IGLON5: variants seen among roughly 807,000 people sequenced by gnomAD.
IGLON5 encodes Ig-like domain-containing protein ENSP00000270642.
Under a neutral mutation model 38.2 loss-of-function variants are expected in IGLON5, and 16 were observed. The observed-to-expected ratio is 0.42, with a 90% CI of 0.28 to 0.64. The LOEUF (loss-of-function observed/expected upper bound fraction) is 0.64. Ranked by LOEUF, IGLON5 falls within the 30% of genes least tolerant of loss-of-function variation. IGLON5 has a pLI of 0.23. For missense variants in IGLON5, 366 were observed against 483.4 expected, an observed-to-expected ratio of 0.76 and a Z score of 2.28; for synonymous variants, 207 against 216.4, an observed-to-expected ratio of 0.96 and a Z score of 0.38.
intron 1 of IGLON5, among the ~76,000 whole-genome samples, chr19:51,317,783 C>T (rs930149078): frequency 6.6e-6 from 1 of 152,214 alleles, no homozygotes; most frequent in Non-Finnish European, 1.5e-5. Flanking sequence ...CTTCTGCTTG[C>T]ATATTCTCAC....
intron 1 of IGLON5, among the ~76,000 whole-genome samples, chr19:51,317,080 C>T (rs1438135779): frequency 6.6e-6 from 1 of 152,158 alleles, no homozygotes; most frequent in Non-Finnish European, 1.5e-5. Context: ...AAGATTCTCA[C>T]CCCCAGCCCA....
rs1225272387 is a variant in IGLON5, at chr19:51,327,607, C to A, written c.768-125C>A. The A allele has an allele frequency of 5.6e-5, 77 of 1,378,522 alleles. No homozygotes were observed. Among genetic ancestry groups the A allele is most frequent in the South Asian group, 4.5e-4 (33 of 73,330 alleles). The allele number at this position is 1,378,522 out of a possible 1,614,324, so 85.4% of individuals were successfully genotyped here. ...CCGAGGTACATGAGGTGCTAGAACC[C>A]GAGGCGATGGGTCACTGGGGTAGGG... On this transcript the variant is annotated intron_variant, in intron 6 of 7. Coordinates refer to ENST00000270642, the MANE Select transcript of IGLON5 (RefSeq NM_001101372.3). The surrounding 1 kb of genome is among the most constrained non-coding windows in gnomAD (Gnocchi z 7.1).
At chr19:51,322,279 C>T (rs1024644175) in intron 2 of IGLON5, 137 bp downstream of exon 2, 4 of 706,126 alleles carry the variant, frequency 5.7e-6, no homozygotes, top group East Asian at 2.7e-5. Context: ...CCCTCAGTAG[C>T]GACACAGCTA....
chr19:51,327,591 A>C lies in IGLON5; in HGVS notation c.768-141A>C. 2 of 1,232,312 alleles carry C rather than the reference A, an allele frequency of 1.6e-6. No individual in the cohort carries two copies. The highest frequency in any genetic ancestry group is 2.2e-6 in the Non-Finnish European group (2 of 900,712). The allele number at this position is 1,232,312 out of a possible 1,614,324, so 76.3% of individuals were successfully genotyped here. A position where few individuals can be genotyped will look rare whatever the true frequency, so the allele number is the denominator to read the frequency against. ...CGGCGGTGGGAGTGACCCGAGGTACATGAGGTGCTAGAACCCGAGGCGATG... is the reference window on the plus strand; with the variant it reads ...CGGCGGTGGGAGTGACCCGAGGTACCTGAGGTGCTAGAACCCGAGGCGATG... On this transcript the variant is annotated intron_variant, in intron 6 of 7. Coordinates refer to ENST00000270642, the MANE Select transcript of IGLON5 (RefSeq NM_001101372.3). This position sits in a 1 kb window ranked among gnomAD's most constrained non-coding sequence, Gnocchi z 7.1.
At chr19:51,326,363 A>T (rs980278491) in intron 4 of IGLON5, among the ~76,000 whole-genome samples, 3 of 152,144 alleles carry the variant, frequency 2.0e-5, no homozygotes, top group Non-Finnish European at 2.9e-5. Context: ...GACCCCATGA[A>T]TCAGATCCCA....
At chr19:51,312,025 G>A in intron 1 of IGLON5, 99 bp downstream of exon 1, 2 of 616,824 alleles carry the variant, frequency 3.2e-6, no homozygotes, top group Non-Finnish European at 4.6e-6. Flanking sequence ...GCATCCCTGG[G>A]CCGGCGCGGG....
In IGLON5 at chr19:51,327,665, G is replaced by A; in HGVS notation, c.768-67G>A. On this transcript the variant is annotated intron_variant, in intron 6 of 7. Coordinates refer to ENST00000270642, the MANE Select transcript of IGLON5 (RefSeq NM_001101372.3). The surrounding 1 kb of genome is among the most constrained non-coding windows in gnomAD (Gnocchi z 7.1). ...TGCTGGGTCACCGGGGAACGGAGGAGCCTGAGAGTCGGGGGGCTGGCCTGG... is the reference window on the plus strand; with the variant it reads ...TGCTGGGTCACCGGGGAACGGAGGAACCTGAGAGTCGGGGGGCTGGCCTGG... 1 of 1,532,892 alleles carries A rather than the reference G, an allele frequency of 6.5e-7. No individual in the cohort carries two copies. The allele number at this position is 1,532,892 out of a possible 1,614,324, so 95.0% of individuals were successfully genotyped here. A position where few individuals can be genotyped will look rare whatever the true frequency, so the allele number is the denominator to read the frequency against.
rs1568459871 is a variant in IGLON5, at chr19:51,327,506, A to T, written c.768-226A>T. Among the ~76,000 whole-genome samples, 1 of 151,990 alleles carries T rather than the reference A, an allele frequency of 6.6e-6. No individual in the cohort carries two copies. On this transcript the variant is annotated intron_variant, in intron 6 of 7. Coordinates refer to ENST00000270642, the MANE Select transcript of IGLON5 (RefSeq NM_001101372.3). This position sits in a 1 kb window ranked among gnomAD's most constrained non-coding sequence, Gnocchi z 7.1. ...CAGCAGAGTTCAGGAGTCCCTAACG[A>T]CTAGGGGTGCACTACGGGAGAGTCC...
At chr19:51,326,969 G>T in intron 5 of IGLON5, 71 bp downstream of exon 5, 3 of 1,574,780 alleles carry the variant, frequency 1.9e-6, no homozygotes. Flanking sequence ...GGATCTGGGG[G>T]AAGAGGAAGC....
At chr19:51,315,986 G>C (rs1414040038) in intron 1 of IGLON5, among the ~76,000 whole-genome samples, 1 of 148,672 alleles carries the variant, frequency 6.7e-6, no homozygotes, top group Non-Finnish European at 1.5e-5. Context: ...GAGCCACCAC[G>C]CCCCGCCGGA....
rs564754002 is a variant in IGLON5, at chr19:51,316,774, G to A, written c.79+4848G>A. Among the ~76,000 whole-genome samples, 15 of 152,186 alleles carry A rather than the reference G, an allele frequency of 9.9e-5. No homozygotes were observed. The East Asian group carries it at 2.1e-3, about 22-fold the overall frequency. On this transcript the variant is annotated intron_variant, in intron 1 of 7. Coordinates refer to ENST00000270642, the MANE Select transcript of IGLON5 (RefSeq NM_001101372.3). The stretch of plus-strand genomic sequence containing the variant: ...CTCCCAAAGTGCTGGCATTATAGGC[G>A]TGAACCACCATGCCCAGCCAACCCT...
In IGLON5 at chr19:51,329,469, C is replaced by T. The variant is rs1208182233; in HGVS notation, c.*710C>T. On this transcript the variant is annotated 3_prime_UTR_variant, in exon 8 of 8. Transcript: ENST00000270642. The surrounding 1 kb of genome is among the most constrained non-coding windows in gnomAD (Gnocchi z 4.3). ...GCTGTCAACCACCAGCTTCCTGTAG[C>T]CAGAGGCCCCATCGCTGGCTCAGTG... The T allele has an allele frequency of 6.6e-6, 1 of 152,288 alleles. No individual in the cohort carries two copies. Among genetic ancestry groups the T allele is most frequent in the African/African-American group, 2.4e-5 (1 of 41,440 alleles). 9.4% of individuals were successfully genotyped at this position (152,288 alleles called of 1,614,324 possible).
At chr19:51,313,665 T>C (rs1403722822) in intron 1 of IGLON5, among the ~76,000 whole-genome samples, 5 of 80,010 alleles carry the variant, frequency 6.2e-5, no homozygotes, top group Admixed American at 5.0e-4. Flanking sequence ...CTTTCTTTCT[T>C]TCTTTCTTTC....
intron 1 of IGLON5, among the ~76,000 whole-genome samples, chr19:51,318,935 AG>A (rs1006171855): frequency 1.3e-5 from 2 of 152,084 alleles, no homozygotes; most frequent in Non-Finnish European, 2.9e-5. Flanking sequence ...TCAACGGGGA[AG>A]GGGGTGTGTG....
intron 1 of IGLON5, among the ~76,000 whole-genome samples, chr19:51,320,066 C>A (rs10417032): frequency 0.56 from 84,198 of 151,620 alleles, 23,551 homozygotes; most frequent in Admixed American, 0.64. Flanking sequence ...TGCACGCGTG[C>A]ATCCATCATC....
In IGLON5 at chr19:51,327,648, C is replaced by A; in HGVS notation, c.768-84C>A. The A allele has an allele frequency of 6.6e-7, 1 of 1,518,980 alleles. No homozygotes were observed. The highest frequency in any genetic ancestry group is 1.2e-5 in the South Asian group (1 of 82,594). 94.1% of individuals were successfully genotyped at this position (1,518,980 alleles called of 1,614,324 possible). On this transcript the variant is annotated intron_variant, in intron 6 of 7. Coordinates refer to ENST00000270642, the MANE Select transcript of IGLON5 (RefSeq NM_001101372.3). The surrounding 1 kb of genome is among the most constrained non-coding windows in gnomAD (Gnocchi z 7.1). ...TGGGGTAGGGGGCAGAATGCTGGGT[C>A]ACCGGGGAACGGAGGAGCCTGAGAG... is the stretch of plus-strand genomic sequence containing the variant.
At chr19:51,313,218 C>T (rs946676702) in intron 1 of IGLON5, among the ~76,000 whole-genome samples, 24 of 152,240 alleles carry the variant, frequency 1.6e-4, no homozygotes, top group African/African-American at 5.5e-4. Flanking sequence ...TCCCCCGTCT[C>T]CCACCTGACC....
Position 51,322,138 on chromosome 19 carries a change from C to T in IGLON5, c.154C>T (p.Leu52Phe). The T allele has an allele frequency of 1.2e-6, 2 of 1,610,322 alleles. No individual in the cohort carries two copies. The highest frequency in any genetic ancestry group is 8.5e-7 in the Non-Finnish European group (1 of 1,177,722). The change falls in exon 2 of 8, where the codon CTC (leucine) becomes TTC (phenylalanine). Residue 52 changes from leucine (L) to phenylalanine (F), a missense_variant. Physicochemically the swap from Leu to Phe is conservative, Grantham distance 22. Transcript: ENST00000270642. Reference protein sequence around the residue: ...YTVCEGDNATLSCFIDEHVTR... With the variant: ...YTVCEGDNATFSCFIDEHVTR... The stretch of plus-strand genomic sequence containing the variant: ...AGTGTGTGAAGGTGACAACGCCACC[C>T]TCAGGTACCTCCCTCGGTGGGTGGG...
At chr19:51,320,224 G>A (rs898781701) in intron 1 of IGLON5, among the ~76,000 whole-genome samples, 1 of 152,184 alleles carries the variant, frequency 6.6e-6, no homozygotes, top group African/African-American at 2.4e-5. Flanking sequence ...AGGGGCTGCA[G>A]GGCCCAGCCC....
Sources: allele counts gnomAD v4.1 joint callset (sites outside exome capture counted in the v4.1 genomes callset), GRCh38; gene constraint gnomAD v4.1.1; non-coding constraint Gnocchi (gnomAD v3.1); transcripts MANE v1.5; gene names NCBI Gene and HGNC (gene_info 2026-07-23, HGNC 2026-07-21).